Variants in CCDC30 observed in about 807,000 individuals in gnomAD.
CCDC30 encodes coiled-coil domain-containing protein 30.
A neutral mutation model predicts 100.2 loss-of-function variants in CCDC30; 70 were observed. The observed-to-expected ratio is 0.70, with a 90% CI of 0.58 to 0.85. The LOEUF (loss-of-function observed/expected upper bound fraction) is 0.85. Among genes scored for constraint, CCDC30 ranks in the 40% least tolerant of loss-of-function variants. The pLI, the probability that CCDC30 is intolerant of heterozygous loss-of-function variation, is 0.00. For synonymous variants in CCDC30, 233 were observed against 269.5 expected (o/e 0.86, Z 1.33); for missense variants, 652 against 771.2 (o/e 0.85, Z 1.83).
chr1:42,556,859 A>G (rs1645381084), intron 6 of CCDC30, among the ~76,000 whole-genome samples: 1 of 152,224 alleles, frequency 6.6e-6, no homozygotes, highest in African/African-American at 2.4e-5. Context: ...TGGGGATGGT[A>G]GGATGCACCA....
chr1:42,621,550 G>T (rs1570273299), intron 11 of CCDC30, among the ~76,000 whole-genome samples: 1 of 149,044 alleles, frequency 6.7e-6, no homozygotes, highest in South Asian at 2.1e-4. Flanking sequence ...CTCGCTCTGT[G>T]GTCTAGGCTG....
chr1:42,508,815 T>C (rs1644434683), intron 6 of CCDC30, among the ~76,000 whole-genome samples: 1 of 152,124 alleles, frequency 6.6e-6, no homozygotes. Context: ...AATAGTTCAG[T>C]TGACTGAAGA....
At chr1:42,544,139 C>A (rs1319010768) in intron 6 of CCDC30, among the ~76,000 whole-genome samples, 1 of 152,138 alleles carries the variant, frequency 6.6e-6, no homozygotes, top group Admixed American at 6.5e-5. Context: ...GCAGTCCTCC[C>A]ACCTCAGCCT....
At chr1:42,652,922 G>T (rs1041243116) in intron 15 of CCDC30, among the ~76,000 whole-genome samples, 4 of 152,118 alleles carry the variant, frequency 2.6e-5, no homozygotes, top group Non-Finnish European at 5.9e-5. Flanking sequence ...GGGCTTTTTT[G>T]GGGGGTGATG....
chr1:42,475,150 A>T (rs761684749), intron 1 of CCDC30, among the ~76,000 whole-genome samples: 1 of 152,144 alleles, frequency 6.6e-6, no homozygotes, highest in Non-Finnish European at 1.5e-5. Context: ...CATCATACCT[A>T]TGGGAAACAT....
intron 10 of CCDC30, among the ~76,000 whole-genome samples, chr1:42,608,703 C>T (rs901365476): frequency 8.0e-6 from 1 of 124,568 alleles, no homozygotes; most frequent in Non-Finnish European, 1.6e-5. Flanking sequence ...AGCGCGACTC[C>T]GTCTCTCTGT....
chr1:42,542,726 T>G (rs1474017185), intron 6 of CCDC30: 2 of 136,684 alleles, frequency 1.5e-5, no homozygotes, highest in Non-Finnish European at 3.2e-5. Context: ...AATTTTTTTT[T>G]GTATTTTTAG....
At chr1:42,482,222 C>CA (rs11399996) in intron 2 of CCDC30, among the ~76,000 whole-genome samples, 64,415 of 127,124 alleles carry the variant, frequency 0.51, 15,207 homozygotes, top group East Asian at 0.59. Flanking sequence ...GACTCCATCT[C>CA]AAAAAAAAAA....
At chr1:42,579,123 T>G (rs1034264669) in intron 8 of CCDC30, among the ~76,000 whole-genome samples, 2 of 152,050 alleles carry the variant, frequency 1.3e-5, no homozygotes, top group Admixed American at 1.3e-4. Flanking sequence ...CCTGAGTAAC[T>G]GGGACTACAG....
At chr1:42,613,883 T>C (rs1646674347) in intron 11 of CCDC30, among the ~76,000 whole-genome samples, 1 of 152,116 alleles carries the variant, frequency 6.6e-6, no homozygotes, top group Non-Finnish European at 1.5e-5. Flanking sequence ...GCCTAACTCA[T>C]GGGAATGCAG....
chr1:42,563,768 T>TA (rs1645546894), intron 6 of CCDC30, among the ~76,000 whole-genome samples: 1 of 151,684 alleles, frequency 6.6e-6, no homozygotes, highest in African/African-American at 2.4e-5. Context: ...TCCCAGCTAC[T>TA]CAAGAGGCTG....
At chr1:42,584,142 A>C (rs756272014) in intron 9 of CCDC30, among the ~76,000 whole-genome samples, 67 of 152,346 alleles carry the variant, frequency 4.4e-4, no homozygotes, top group Non-Finnish European at 6.6e-4. Context: ...AAAATGTTTC[A>C]ATTCTGTTCT....
intron 6 of CCDC30, among the ~76,000 whole-genome samples, chr1:42,521,435 T>G (rs1644644888): frequency 6.6e-6 from 1 of 152,278 alleles, no homozygotes; most frequent in South Asian, 2.1e-4. Context: ...GTATGATATC[T>G]GTTTTTTAAA....
intron 6 of CCDC30, chr1:42,556,312 A>G: frequency 6.2e-7 from 1 of 1,614,036 alleles, no homozygotes; most frequent in Non-Finnish European, 8.5e-7. Flanking sequence ...AGCCTGAGGA[A>G]ATTGTGAGGC....
At chr1:42,632,949 A>G (rs1438684418) in intron 11 of CCDC30, among the ~76,000 whole-genome samples, 2 of 151,892 alleles carry the variant, frequency 1.3e-5, no homozygotes, top group Admixed American at 6.6e-5. Context: ...AGCTGGGATT[A>G]CAGATGTGCG....
At chr1:42,474,080 A>G (rs553040830) in intron 1 of CCDC30, among the ~76,000 whole-genome samples, 3 of 152,256 alleles carry the variant, frequency 2.0e-5, no homozygotes, top group African/African-American at 4.8e-5. Flanking sequence ...TCACTCTGCT[A>G]TGTTTTCACA....
intron 10 of CCDC30, chr1:42,594,788 A>C (rs1646252799): frequency 6.6e-6 from 1 of 152,246 alleles, no homozygotes; most frequent in Non-Finnish European, 1.5e-5. Flanking sequence ...TATAAAGTTA[A>C]CTACCAGTAA....
At chr1:42,490,835 T>C (rs1202500554) in intron 4 of CCDC30, among the ~76,000 whole-genome samples, 2 of 152,166 alleles carry the variant, frequency 1.3e-5, no homozygotes, top group Non-Finnish European at 2.9e-5. Flanking sequence ...CCCAAACCTG[T>C]GATCAATACA....
At chr1:42,625,422 C>T (rs1199868777) in intron 11 of CCDC30, among the ~76,000 whole-genome samples, 1 of 151,830 alleles carries the variant, frequency 6.6e-6, no homozygotes, top group Non-Finnish European at 1.5e-5. Context: ...TTTGGGATTT[C>T]ATTTGCTCTT....
Sources: allele counts gnomAD v4.1 joint callset (sites outside exome capture counted in the v4.1 genomes callset), GRCh38; gene constraint gnomAD v4.1.1; transcripts MANE v1.5; gene names NCBI Gene and HGNC (gene_info 2026-07-23, HGNC 2026-07-21).